The following ACAA2 variants were observed in gnomAD, a reference collection of about 807,000 sequenced individuals.
The protein encoded by ACAA2 is acetyl-CoA acyltransferase 2.
Under a neutral mutation model 44.8 loss-of-function variants are expected in ACAA2, and 35 were observed. The observed-to-expected ratio is 0.78, with a 90% confidence interval of 0.60 to 1.04. The LOEUF is 1.04. Among genes scored for constraint, ACAA2 ranks in the 50% least tolerant of loss-of-function variants. ACAA2 has a pLI of 0.00. For missense variants in ACAA2, 468 were observed against 482.6 expected, an observed-to-expected ratio of 0.97 and a Z score of 0.28; for synonymous variants, 142 against 166.5, an observed-to-expected ratio of 0.85 and a Z score of 1.13.
chr18:49,792,572 G>A (rs1402057558), intron 5 of ACAA2, among the ~76,000 whole-genome samples: 1 of 152,034 alleles, frequency 6.6e-6, no homozygotes, highest in Non-Finnish European at 1.5e-5. Flanking sequence ...AGCCTCCCCA[G>A]TAGCTGGGAT....
At chr18:49,804,510 C>CA (rs1380696205) in intron 1 of ACAA2, among the ~76,000 whole-genome samples, 1 of 152,204 alleles carries the variant, frequency 6.6e-6, no homozygotes, top group Non-Finnish European at 1.5e-5. Context: ...TAGTGACTCT[C>CA]ATCTCAGGTA....
intron 7 of ACAA2, among the ~76,000 whole-genome samples, chr18:49,788,766 C>T (rs2023363478): frequency 6.6e-6 from 1 of 152,192 alleles, no homozygotes; most frequent in African/African-American, 2.4e-5. Flanking sequence ...AACTCAGAAT[C>T]CACCGTAACA....
intron 1 of ACAA2, among the ~76,000 whole-genome samples, chr18:49,808,927 T>TAATAAGCCTGAGGGTACCC (rs1419856826): frequency 1.3e-5 from 2 of 152,138 alleles, no homozygotes; most frequent in Non-Finnish European, 2.9e-5. Context: ...TTCCCCACCC[T>TAATAAGCCTGAGGGTACCC]AATAAGCCTG....
At chr18:49,800,446 G>A (rs927111512) in intron 2 of ACAA2, among the ~76,000 whole-genome samples, 41 of 152,340 alleles carry the variant, frequency 2.7e-4, no homozygotes, top group African/African-American at 9.4e-4. Context: ...CGGTTTTGTG[G>A]AGTAGAAAGG....
chr18:49,801,812 A>ATATATATCTATC (rs1347357878), intron 2 of ACAA2, among the ~76,000 whole-genome samples: 6 of 143,312 alleles, frequency 4.2e-5, no homozygotes, highest in African/African-American at 1.0e-4. Flanking sequence ...ATATATATAT[A>ATATATATCTATC]TATCTTATCT....
Position 49,783,688 on chromosome 18 carries a change from T to C in ACAA2, c.*159A>G. The C allele has an allele frequency of 5.0e-6, 3 of 596,482 alleles. No individual in the cohort carries two copies. Among genetic ancestry groups the C allele is most frequent in the Admixed American group, 2.9e-5 (1 of 34,676 alleles). The allele number at this position is 596,482 out of a possible 1,614,324, so 36.9% of individuals were successfully genotyped here. On this transcript the variant is annotated 3_prime_UTR_variant, in exon 10 of 10. Transcript: ENST00000285093. ...TACTTCTAGCATGGGCTCCTATTCA[T>C]GATCAATGCATTTTTGTGTCACCAT...
chr18:49,783,920 C>G lies in ACAA2; in HGVS notation c.1121G>C (p.Gly374Ala), dbSNP rs753631016. The G allele has an allele frequency of 5.6e-6, 9 of 1,613,886 alleles. No homozygotes were observed. Among genetic ancestry groups the G allele is most frequent in the Middle Eastern group, 3.3e-4 (2 of 6,082 alleles). Reference sequence around the variant, plus strand: ...GCAAGCTGATCCAACGGCATATTTTCCACCTCGACGCCTGAAAAAGAAAGC... The same window carrying G: ...GCAAGCTGATCCAACGGCATATTTTGCACCTCGACGCCTGAAAAAGAAAGC... The part of the protein sequence containing the change: ...HLVHELRRRG[G>A]KYAVGSACIG... Residue 374 changes from glycine (G) to alanine (A), a missense_variant, in exon 10 of 10, where the codon GGA becomes GCA. Transcript: ENST00000285093.
intron 3 of ACAA2, among the ~76,000 whole-genome samples, chr18:49,796,303 C>T (rs1232201525): frequency 6.6e-6 from 1 of 152,138 alleles, no homozygotes; most frequent in Non-Finnish European, 1.5e-5. Flanking sequence ...AGAACTAGTT[C>T]AATCTAGGTG....
In ACAA2 at chr18:49,785,219, C is replaced by A. The variant is rs1179874932; in HGVS notation, c.1087G>T (p.Ala363Ser). 1 of 1,613,258 alleles carries A rather than the reference C, an allele frequency of 6.2e-7. No individual in the cohort carries two copies. The highest frequency in any genetic ancestry group is 1.1e-5 in the South Asian group (1 of 90,966). ...TACCTTAATTCGTGAACCAGGTGTGCAGTAATTCTTGATCCAGATCCTCCC... is the reference window on the plus strand; with the variant it reads ...TACCTTAATTCGTGAACCAGGTGTGAAGTAATTCTTGATCCAGATCCTCCC... ...PLGGSGSRIT[A>S]HLVHELRRRG... Residue 363 changes from alanine to serine, a missense_variant, in exon 9 of 10, where the codon GCA (alanine) becomes TCA (serine). Transcript: ENST00000285093.
rs1455550883 is a variant in ACAA2 at position 49,783,365 on chromosome 18, A to T, written c.*482T>A. On this transcript the variant is annotated 3_prime_UTR_variant, in exon 10 of 10. Transcript: ENST00000285093. The stretch of plus-strand genomic sequence containing the variant: ...AAAGTTCTGTTGATAAAAAGTGGGG[A>T]TGTTTGTATAAAAATGTGAATGTAC... The T allele has an allele frequency of 1.3e-5, 2 of 152,454 alleles. No homozygotes were observed. Among genetic ancestry groups the T allele is most frequent in the African/African-American group, 2.4e-5 (1 of 41,416 alleles). 9.4% of individuals were successfully genotyped at this position (152,454 alleles called of 1,614,324 possible). A position where few individuals can be genotyped will look rare whatever the true frequency, so the allele number is the denominator to read the frequency against.
intron 1 of ACAA2, among the ~76,000 whole-genome samples, chr18:49,806,861 TAACAGCAA>T (rs1041211063): frequency 6.6e-6 from 1 of 151,552 alleles, no homozygotes; most frequent in African/African-American, 2.4e-5. Flanking sequence ...TGGATGGGCT[TAACAGCAA>T]AATAGAAATG....
chr18:49,798,607 G>T (rs2023492280), intron 2 of ACAA2, among the ~76,000 whole-genome samples: 1 of 152,064 alleles, frequency 6.6e-6, no homozygotes, highest in Non-Finnish European at 1.5e-5. Context: ...GATGTTCATT[G>T]TACTATTCTT....
intron 1 of ACAA2, among the ~76,000 whole-genome samples, chr18:49,805,662 G>A (rs1256695640): frequency 6.6e-6 from 1 of 151,734 alleles, no homozygotes; most frequent in Non-Finnish European, 1.5e-5. Flanking sequence ...CTGCAGCCTC[G>A]ACTTTCCCAA....
intron 7 of ACAA2, among the ~76,000 whole-genome samples, chr18:49,788,374 A>C (rs2023358284): frequency 6.6e-6 from 1 of 152,258 alleles, no homozygotes; most frequent in Non-Finnish European, 1.5e-5. Flanking sequence ...TTTACAAGAA[A>C]GGCATAATGA....
Position 49,787,273 on chromosome 18 carries a change from A to AAAAAC in ACAA2, c.954+17_954+18insGTTTT. 1.7e-6 allele frequency: 2 copies of AAAAAC among 1,166,888 alleles called. No individual in the cohort carries two copies. The highest frequency in any genetic ancestry group is 2.3e-6 in the Non-Finnish European group (2 of 881,272). 72.3% of individuals were successfully genotyped at this position (1,166,888 alleles called of 1,614,324 possible). A position where few individuals can be genotyped will look rare whatever the true frequency, so the allele number is the denominator to read the frequency against. ...TATTCATGTTGTTAAAAAAAAAAAA[A>AAAAAC]AAAAAAAAAACACTTACCTCTACCA... On this transcript the variant is annotated intron_variant, in intron 8 of 9. Coordinates refer to ENST00000285093, the MANE Select transcript of ACAA2 (RefSeq NM_006111.3).
At chr18:49,798,429 C>T (rs2023489982) in intron 2 of ACAA2, among the ~76,000 whole-genome samples, 1 of 151,744 alleles carries the variant, frequency 6.6e-6, no homozygotes, top group South Asian at 2.1e-4. Context: ...CCTGGTGAAG[C>T]TGATGTTGCT....
At chr18:49,784,516 T>C (rs2023304366) in intron 9 of ACAA2, among the ~76,000 whole-genome samples, 1 of 152,064 alleles carries the variant, frequency 6.6e-6, no homozygotes, top group Admixed American at 6.5e-5. Context: ...GGAATTACTT[T>C]TGTATGTGGC....
intron 1 of ACAA2, among the ~76,000 whole-genome samples, chr18:49,803,854 C>G (rs910962222): frequency 2.0e-5 from 3 of 151,674 alleles, no homozygotes; most frequent in Admixed American, 2.0e-4. Flanking sequence ...AGAGGGCATA[C>G]TCTACTGCAT....
intron 7 of ACAA2, among the ~76,000 whole-genome samples, chr18:49,790,280 G>A (rs994407818): frequency 6.6e-6 from 1 of 152,152 alleles, no homozygotes; most frequent in Non-Finnish European, 1.5e-5. Flanking sequence ...GACAAAATAT[G>A]AACATGCCAG....
Sources: allele counts gnomAD v4.1 joint callset (sites outside exome capture counted in the v4.1 genomes callset), GRCh38; gene constraint gnomAD v4.1.1; transcripts MANE v1.5; gene names NCBI Gene and HGNC (gene_info 2026-07-23, HGNC 2026-07-21).